Variants in NUP155 observed in about 807,000 individuals in gnomAD.
NUP155 encodes nuclear pore complex protein Nup155.
In NUP155, 71 loss-of-function variants were observed where a neutral mutation model predicts 180.4. That is an observed-to-expected ratio of 0.39 (90% CI 0.33 to 0.48). The LOEUF (loss-of-function observed/expected upper bound fraction) is 0.48. NUP155 is among the 20% of genes least tolerant of loss of function. The probability of loss-of-function intolerance (pLI) is 0.91; values close to 1 mark genes in which losing one functional copy is unlikely to be tolerated. For synonymous variants in NUP155, 582 were observed against 559.5 expected (o/e 1.04, Z -0.57); for missense variants, 1,553 against 1,648.9 (o/e 0.94, Z 1.01).
Position 37,342,545 on chromosome 5 carries a change from A to G in NUP155, c.1093+4T>C. On this transcript the variant is annotated splice_donor_region_variant and intron_variant, in intron 10 of 34. Transcript: ENST00000231498. Reference sequence around the variant, plus strand: ...ATAGCAGATATGTAAATAAAACAACATACCTGCATGTGTGACAGCCAATAA... The same window carrying G: ...ATAGCAGATATGTAAATAAAACAACGTACCTGCATGTGTGACAGCCAATAA... 1 of 1,583,300 alleles carries G rather than the reference A, an allele frequency of 6.3e-7. No homozygotes were observed.
chr5:37,331,652 A>G, intron 14 of NUP155, 33 bp downstream of exon 14: 3 of 1,217,974 alleles, frequency 2.5e-6, no homozygotes, highest in Non-Finnish European at 1.2e-6. Flanking sequence ...TGTTTAAAAT[A>G]GCATCACATT....
At chr5:37,308,425 G>A (rs938338310) in intron 24 of NUP155, among the ~76,000 whole-genome samples, 8 of 152,012 alleles carry the variant, frequency 5.3e-5, no homozygotes, top group East Asian at 3.9e-4. Context: ...ATGGCCGGGC[G>A]CGGTGGCTCA....
chr5:37,367,568 T>G (rs1160700543), intron 1 of NUP155, among the ~76,000 whole-genome samples: 2 of 151,154 alleles, frequency 1.3e-5, no homozygotes, highest in Non-Finnish European at 2.9e-5. Flanking sequence ...AGTCTCACTC[T>G]GTCGCCCAGG....
intron 14 of NUP155, 141 bp downstream of exon 14, chr5:37,331,544 T>A: frequency 2.2e-6 from 1 of 446,490 alleles, no homozygotes; most frequent in Non-Finnish European, 3.9e-6. Context: ...ATTGCACTCC[T>A]GCCTGGGCAA....
chr5:37,307,672 C>G (rs1743242716), intron 24 of NUP155, among the ~76,000 whole-genome samples: 1 of 152,062 alleles, frequency 6.6e-6, no homozygotes, highest in Non-Finnish European at 1.5e-5. Flanking sequence ...CCTGTAATCC[C>G]AGCACTTTGG....
chr5:37,325,529 G>A (rs1289322972), intron 19 of NUP155, among the ~76,000 whole-genome samples: 1 of 152,100 alleles, frequency 6.6e-6, no homozygotes, highest in Non-Finnish European at 1.5e-5. Flanking sequence ...AGCACTTTGG[G>A]AAGCCAAGGC....
At chr5:37,300,208 G>T (rs1466737781) in intron 30 of NUP155, among the ~76,000 whole-genome samples, 1 of 151,962 alleles carries the variant, frequency 6.6e-6, no homozygotes, top group African/African-American at 2.4e-5. Flanking sequence ...TACATGAGAT[G>T]TTCTGATACA....
At position 37,330,050 on chromosome 5, in the gene NUP155, C is replaced by T. The variant is rs935409994; in HGVS notation, c.1712G>A (p.Arg571Gln). The change falls in exon 15 of 35, where the codon CGG becomes CAG. Residue 571 changes from arginine (R) to glutamine (Q), a missense_variant. By Grantham distance (43) the Arg-to-Gln change is conservative (BLOSUM62 1). Transcript: ENST00000231498. ...AACTTTCACATACCTAAAGAAAGCC[C>T]GAGTAGCCCAGGCAGATACTTCTCT... is the stretch of plus-strand genomic sequence containing the variant. Reference protein sequence around the residue: ...CDREVSAWATRAFFRYGGEAQ... With the variant: ...CDREVSAWATQAFFRYGGEAQ... 20 of 1,612,340 alleles carry T rather than the reference C, an allele frequency of 1.2e-5. No individual in the cohort carries two copies. Among genetic ancestry groups the T allele is most frequent in the South Asian group, 2.2e-5 (2 of 90,944 alleles).
chr5:37,302,556 A>G (rs902445103), intron 29 of NUP155, among the ~76,000 whole-genome samples: 1 of 152,250 alleles, frequency 6.6e-6, no homozygotes, highest in African/African-American at 2.4e-5. Flanking sequence ...TCGAAGTGCC[A>G]AAGAGAAAAC....
chr5:37,288,224 T>C lies in NUP155; in HGVS notation c.*3676A>G, dbSNP rs1742099326. On this transcript the variant is annotated 3_prime_UTR_variant, in exon 35 of 35. Transcript: ENST00000231498. The stretch of plus-strand genomic sequence containing the variant: ...AAATTGTGAACCCTTTCAAAACCTT[T>C]CAATTCAATGTTCTAGTTCTTCATT... The C allele has an allele frequency of 6.6e-6, 1 of 152,212 alleles. No homozygotes were observed. The highest frequency in any genetic ancestry group is 2.4e-5 in the African/African-American group (1 of 41,452). 9.4% of individuals were successfully genotyped at this position (152,212 alleles called of 1,614,324 possible). A position where few individuals can be genotyped will look rare whatever the true frequency, so the allele number is the denominator to read the frequency against.
chr5:37,324,505 A>G (rs1200305013), intron 19 of NUP155, among the ~76,000 whole-genome samples: 1 of 151,948 alleles, frequency 6.6e-6, no homozygotes, highest in Admixed American at 6.6e-5. Context: ...TTCCATATAT[A>G]TATATGGAAT....
At chr5:37,299,259 T>A (rs1339053290) in intron 31 of NUP155, among the ~76,000 whole-genome samples, 189 bp downstream of exon 31, 1 of 152,216 alleles carries the variant, frequency 6.6e-6, no homozygotes, top group African/African-American at 2.4e-5. Flanking sequence ...CTCCCGAATA[T>A]TCACTTGGGT....
chr5:37,313,204 G>A (rs1311235527), intron 22 of NUP155, among the ~76,000 whole-genome samples: 1 of 151,974 alleles, frequency 6.6e-6, no homozygotes, highest in Non-Finnish European at 1.5e-5. Flanking sequence ...GCTGAGGCGG[G>A]TGGATTACCT....
chr5:37,309,167 T>G lies in NUP155; in HGVS notation c.2729A>C (p.Gln910Pro). Residue 910 changes from glutamine to proline, a missense_variant, in exon 24 of 35, where the codon CAA (glutamine) becomes CCA (proline). Coordinates refer to ENST00000231498, the MANE Select transcript of NUP155 (RefSeq NM_153485.3). ...AGCACAAACATTGGAAAGGTCCACT[T>G]GATTGCTAATTTTTTGATATTCCTT... ...SLKEYQKISN[Q>P]VDLSNVCAQY... The G allele has an allele frequency of 1.9e-6, 3 of 1,613,722 alleles. No homozygotes were observed. The highest frequency in any genetic ancestry group is 2.5e-6 in the Non-Finnish European group (3 of 1,179,806).
intron 23 of NUP155, 158 bp from the exon 24 acceptor site, chr5:37,309,425 G>A (rs1245892276): frequency 9.2e-6 from 6 of 652,042 alleles, no homozygotes; most frequent in Admixed American, 3.0e-5. Flanking sequence ...AGGCAGAAAA[G>A]TTTTTGACCA....
At chr5:37,306,286 G>C (rs1176303976) in intron 25 of NUP155, among the ~76,000 whole-genome samples, 1 of 151,994 alleles carries the variant, frequency 6.6e-6, no homozygotes, top group African/African-American at 2.4e-5. Context: ...TGTAGTCCCA[G>C]CTACTCAGGA....
rs1249141642 is a variant in NUP155, at chr5:37,291,982, T to A, written c.4094A>T (p.Gln1365Leu). The A allele has an allele frequency of 6.2e-7, 1 of 1,613,526 alleles. No individual in the cohort carries two copies. The highest frequency in any genetic ancestry group is 1.1e-5 in the South Asian group (1 of 91,078). ...TACTGCTACTGACGAGCTCATAGAC[T>A]GGAGCTCAACAAGGTAACCACAAAC... ...DAVCGYLVEL[Q>L]SMSSSVAVQA... is the part of the protein sequence containing the mutation. Residue 1365 changes from glutamine to leucine, a missense_variant, in exon 35 of 35, where the codon CAG (glutamine) becomes CTG (leucine). Coordinates refer to ENST00000231498, the MANE Select transcript of NUP155 (RefSeq NM_153485.3).
At position 37,302,873 on chromosome 5, in the gene NUP155, A is replaced by G. The variant is rs914994013; in HGVS notation, c.3353T>C (p.Ile1118Thr). 6.2e-7 allele frequency: 1 copy of G among 1,614,092 alleles called. No homozygotes were observed. Among genetic ancestry groups the G allele is most frequent in the Non-Finnish European group, 8.5e-7 (1 of 1,179,946 alleles). The change falls in exon 29 of 35, where the codon ATT becomes ACT. Residue 1118 changes from isoleucine (I) to threonine (T), a missense_variant. Ile to Thr is a moderately conservative substitution (Grantham distance 89, BLOSUM62 -1). Transcript: ENST00000231498. ...EISLQQRLEY[I>T]ARAILSAKSS... Reference sequence around the variant, plus strand: ...TTTGGCACTAAGAATGGCTCGAGCAATGTACTCTAGTCGCTGCTGAAGTGA... The same window carrying G: ...TTTGGCACTAAGAATGGCTCGAGCAGTGTACTCTAGTCGCTGCTGAAGTGA...
At chr5:37,295,262 T>C (rs1232933685) in intron 32 of NUP155, among the ~76,000 whole-genome samples, 1 of 152,188 alleles carries the variant, frequency 6.6e-6, no homozygotes, top group African/African-American at 2.4e-5. Flanking sequence ...TTGGCCGGGC[T>C]GGTCTCCAGC....
Sources: allele counts gnomAD v4.1 joint callset (sites outside exome capture counted in the v4.1 genomes callset), GRCh38; gene constraint gnomAD v4.1.1; transcripts MANE v1.5; gene names NCBI Gene and HGNC (gene_info 2026-07-23, HGNC 2026-07-21).